Variants in GAREM1 observed in about 807,000 individuals in gnomAD.
The protein encoded by GAREM1 is GRB2-associated and regulator of MAPK protein 1.
Under a neutral mutation model 71.3 loss-of-function variants are expected in GAREM1, and 26 were observed. That is an observed-to-expected ratio of 0.36 (90% CI 0.27 to 0.51). The LOEUF is 0.51. Among genes scored for constraint, GAREM1 ranks in the 20% least tolerant of loss-of-function variants. GAREM1 has a pLI of 0.95. For synonymous variants in GAREM1, 440 were observed against 433.2 expected, an observed-to-expected ratio of 1.02 and a Z score of -0.20; for missense variants, 1,026 against 1,103.1, an observed-to-expected ratio of 0.93 and a Z score of 0.99.
chr18:32,298,722 T>C (rs900403008), intron 3 of GAREM1, among the ~76,000 whole-genome samples: 2 of 152,176 alleles, frequency 1.3e-5, no homozygotes, highest in Non-Finnish European at 2.9e-5. Context: ...ATTGTTCTAA[T>C]AACAATTGTT....
At chr18:32,360,291 TG>T (rs1908682181) in intron 2 of GAREM1, among the ~76,000 whole-genome samples, 6 of 152,188 alleles carry the variant, frequency 3.9e-5, no homozygotes, top group Admixed American at 3.9e-4. Flanking sequence ...ACTTTTTTTC[TG>T]GTTCCTATAT....
At chr18:32,332,197 T>A (rs573648329) in intron 2 of GAREM1, among the ~76,000 whole-genome samples, 1 of 151,878 alleles carries the variant, frequency 6.6e-6, no homozygotes, top group Non-Finnish European at 1.5e-5. Flanking sequence ...GAGAAATACA[T>A]GGCTTAGTGT....
At chr18:32,445,377 A>C (rs1324556377) in intron 1 of GAREM1, among the ~76,000 whole-genome samples, 3 of 152,158 alleles carry the variant, frequency 2.0e-5, no homozygotes, top group Non-Finnish European at 4.4e-5. Context: ...AAGATAAAAG[A>C]ACAGATTTGT....
intron 2 of GAREM1, among the ~76,000 whole-genome samples, chr18:32,326,041 T>C (rs1461962041): frequency 6.6e-6 from 1 of 152,182 alleles, no homozygotes; most frequent in Non-Finnish European, 1.5e-5. Flanking sequence ...ACGTATTAGC[T>C]CCTTCTTACA....
chr18:32,381,412 C>G (rs1325362956), intron 2 of GAREM1, among the ~76,000 whole-genome samples: 1 of 152,124 alleles, frequency 6.6e-6, no homozygotes, highest in Non-Finnish European at 1.5e-5. Context: ...AGTGCCTGTG[C>G]TAAGAAGGTT....
chr18:32,319,684 T>C (rs1041188625), intron 2 of GAREM1, among the ~76,000 whole-genome samples: 9 of 152,214 alleles, frequency 5.9e-5, no homozygotes, highest in Non-Finnish European at 1.2e-4. Flanking sequence ...CCTCCCAATC[T>C]TACCCTCAGA....
In GAREM1 at chr18:32,287,636, T is replaced by A; in HGVS notation, c.961A>T (p.Thr321Ser). The change falls in exon 4 of 6, where the codon ACC becomes TCC. Residue 321 changes from threonine (T) to serine (S), a missense_variant. Thr to Ser is a moderately conservative substitution (Grantham distance 58). Around this residue, in one of 3 missense-constraint regions of GAREM1, gnomAD observed 218 missense variants for 296.8 expected, o/e 0.73. Transcript: ENST00000269209. The surrounding 1 kb of genome is among the most constrained non-coding windows in gnomAD (Gnocchi z 5.9). ...HLVKGESWPETLVHHWLGICQ... is the reference protein window; with the variant it reads ...HLVKGESWPESLVHHWLGICQ... ...ATACCTAGCCAGTGATGGACCAGGG[T>A]TTCGGGCCAGCTCTCTCCCTTCACC... 1.2e-6 allele frequency: 2 copies of A among 1,614,078 alleles called. No homozygotes were observed. Among genetic ancestry groups the A allele is most frequent in the East Asian group, 2.2e-5 (1 of 44,870 alleles).
intron 1 of GAREM1, among the ~76,000 whole-genome samples, chr18:32,462,549 A>G (rs1291678102): frequency 6.6e-6 from 1 of 152,152 alleles, no homozygotes; most frequent in Non-Finnish European, 1.5e-5. Context: ...ATTTTCTCCT[A>G]TTCTGCAAGT....
intron 2 of GAREM1, among the ~76,000 whole-genome samples, chr18:32,380,534 A>G (rs1450901668): frequency 6.6e-6 from 1 of 151,828 alleles, no homozygotes; most frequent in Admixed American, 6.6e-5. Flanking sequence ...TGTCTGTCCA[A>G]AAAGTGAGAG....
chr18:32,431,210 A>G (rs1449731143), intron 1 of GAREM1, among the ~76,000 whole-genome samples: 1 of 152,222 alleles, frequency 6.6e-6, no homozygotes, highest in Non-Finnish European at 1.5e-5. Flanking sequence ...CCAATATGAA[A>G]AACATTAAAA....
chr18:32,294,058 G>A (rs1038150720), intron 3 of GAREM1, among the ~76,000 whole-genome samples: 2 of 152,180 alleles, frequency 1.3e-5, no homozygotes, highest in African/African-American at 2.4e-5. Context: ...GAAATAAAGA[G>A]AAGTGAAAAG....
At chr18:32,371,619 G>C (rs2047980989) in intron 2 of GAREM1, among the ~76,000 whole-genome samples, 1 of 152,108 alleles carries the variant, frequency 6.6e-6, no homozygotes, top group Non-Finnish European at 1.5e-5. Flanking sequence ...GTGGGATTAA[G>C]GGTGGGTAGT....
intron 2 of GAREM1, among the ~76,000 whole-genome samples, chr18:32,315,454 GTATA>G (rs1175007026): frequency 7.1e-6 from 1 of 141,476 alleles, no homozygotes; most frequent in Admixed American, 7.0e-5. Flanking sequence ...ATATATAAAA[GTATA>G]TATATAAATA....
rs530549809 is a variant in GAREM1 at position 32,344,479 on chromosome 18, G to C, written c.263-34156C>G. 7.9e-5 allele frequency among the ~76,000 whole-genome samples: 12 copies of C among 152,214 alleles called. No individual in the cohort carries two copies. In the South Asian group the frequency reaches 2.5e-3, roughly 32 times the overall value. On this transcript the variant is annotated intron_variant, in intron 2 of 5. Coordinates refer to ENST00000269209, the MANE Select transcript of GAREM1 (RefSeq NM_001242409.2). ...GTTTGGATTCATAAGGTACAAAACA[G>C]ATTATCAACAGAAATTATCAGTAAT...
intron 1 of GAREM1, among the ~76,000 whole-genome samples, chr18:32,466,618 A>G (rs972641860): frequency 1.3e-5 from 2 of 152,174 alleles, no homozygotes; most frequent in Non-Finnish European, 2.9e-5. Context: ...TCCAAGATGA[A>G]ATGAGGAGGA....
intron 1 of GAREM1, among the ~76,000 whole-genome samples, chr18:32,457,226 A>AGT (rs566379367): frequency 0.023 from 1,857 of 81,696 alleles, 38 homozygotes; most frequent in African/African-American, 0.032. Flanking sequence ...AGAGAGAGAG[A>AGT]GTGTGTGTGT....
Position 32,392,982 on chromosome 18 carries a change from G to A in GAREM1, c.175C>T (p.Arg59Cys), listed in dbSNP as rs2048217004. 4.3e-6 allele frequency: 7 copies of A among 1,613,664 alleles called. No individual in the cohort carries two copies. The highest frequency in any genetic ancestry group is 2.2e-5 in the East Asian group (1 of 44,858). ...ENDYLLIHSC[R>C]QWTTITAHSL... Reference sequence around the variant, plus strand: ...TGGGCAGTGATGGTGGTCCACTGGCGGCAGGAATGAATCAGCAGATAGTCA... The same window carrying A: ...TGGGCAGTGATGGTGGTCCACTGGCAGCAGGAATGAATCAGCAGATAGTCA... Residue 59 changes from arginine (R) to cysteine (C), a missense_variant, in exon 2 of 6, where the codon CGC becomes TGC. Arg to Cys is a radical substitution (Grantham distance 180). Transcript: ENST00000269209.
At chr18:32,376,732 G>C (rs1299973909) in intron 2 of GAREM1, among the ~76,000 whole-genome samples, 2 of 152,202 alleles carry the variant, frequency 1.3e-5, no homozygotes, top group Non-Finnish European at 2.9e-5. Flanking sequence ...CAGCTACTTG[G>C]GAGGGTGAGG....
chr18:32,401,323 A>G (rs1483405649), intron 1 of GAREM1, among the ~76,000 whole-genome samples: 1 of 152,116 alleles, frequency 6.6e-6, no homozygotes, highest in Admixed American at 6.5e-5. Flanking sequence ...CTTAAAGTAT[A>G]AAAATAAAAA....
Sources: allele counts gnomAD v4.1 joint callset (sites outside exome capture counted in the v4.1 genomes callset), GRCh38; gene constraint gnomAD v4.1.1; regional missense constraint gnomAD v4.1.1; non-coding constraint Gnocchi (gnomAD v3.1); transcripts MANE v1.5; gene names NCBI Gene and HGNC (gene_info 2026-07-23, HGNC 2026-07-21).